Variants in PTK2B observed in about 807,000 individuals in gnomAD.
PTK2B encodes protein tyrosine kinase 2 beta, also known as protein-tyrosine kinase 2-beta.
In PTK2B, 71 loss-of-function variants were observed where a neutral mutation model predicts 142.9. That is an observed-to-expected ratio of 0.50 (90% CI 0.41 to 0.61). The LOEUF is 0.61. PTK2B is among the 20% of genes least tolerant of loss of function. The pLI, the probability that PTK2B is intolerant of heterozygous loss-of-function variation, is 0.00. For missense variants in PTK2B, 1,105 were observed against 1,320.4 expected (o/e 0.84, Z 2.53); for synonymous variants, 519 against 503.4 (o/e 1.03, Z -0.42).
chr8:27,350,584 T>C (rs1417865199), intron 1 of PTK2B, among the ~76,000 whole-genome samples: 1 of 141,836 alleles, frequency 7.1e-6, no homozygotes, highest in Non-Finnish European at 1.6e-5. Flanking sequence ...AGCCTCCTGT[T>C]AATAAGTGGG....
At chr8:27,428,427 A>G (rs1176388697) in intron 5 of PTK2B, among the ~76,000 whole-genome samples, 1 of 152,222 alleles carries the variant, frequency 6.6e-6, no homozygotes, top group African/African-American at 2.4e-5. Context: ...CTTAGCAAGA[A>G]CATCCCATCT....
chr8:27,354,959 C>G (rs374198779), intron 1 of PTK2B, among the ~76,000 whole-genome samples: 1 of 152,094 alleles, frequency 6.6e-6, no homozygotes, highest in East Asian at 1.9e-4. Context: ...CCACCTTGCT[C>G]TTCAGTCTTG....
intron 1 of PTK2B, among the ~76,000 whole-genome samples, chr8:27,395,881 G>A (rs1417686411): frequency 4.6e-5 from 7 of 152,134 alleles, no homozygotes; most frequent in African/African-American, 1.7e-4. Context: ...CAGGGGATCC[G>A]GGTTACATCT....
intron 1 of PTK2B, among the ~76,000 whole-genome samples, chr8:27,392,231 G>A (rs535237349): frequency 1.3e-5 from 2 of 152,008 alleles, no homozygotes; most frequent in African/African-American, 2.4e-5. Context: ...GCATTCAGTG[G>A]TGATGTGCAT....
chr8:27,416,630 G>A (rs924189424), intron 2 of PTK2B, among the ~76,000 whole-genome samples: 1 of 152,198 alleles, frequency 6.6e-6, no homozygotes, highest in Non-Finnish European at 1.5e-5. Flanking sequence ...ATGTTGACAA[G>A]TTAGACTCTG....
intron 1 of PTK2B, among the ~76,000 whole-genome samples, chr8:27,343,695 T>C (rs547149895): frequency 6.6e-6 from 1 of 152,310 alleles, no homozygotes; most frequent in African/African-American, 2.4e-5. Context: ...CTTCTGACCT[T>C]TCTCCTTTAA....
intron 1 of PTK2B, among the ~76,000 whole-genome samples, chr8:27,388,689 C>A (rs1013135545): frequency 2.6e-5 from 4 of 152,184 alleles, no homozygotes; most frequent in African/African-American, 9.6e-5. Flanking sequence ...ATGCTGGTGG[C>A]TTGGAATCAG....
intron 1 of PTK2B, among the ~76,000 whole-genome samples, chr8:27,375,920 C>T (rs1806643617): frequency 6.6e-6 from 1 of 152,260 alleles, no homozygotes. Flanking sequence ...TGCAATTAGG[C>T]ACTTGACACA....
chr8:27,437,735 G>A, intron 17 of PTK2B, 30 bp from the exon 18 acceptor site: 1 of 1,584,950 alleles, frequency 6.3e-7, no homozygotes, highest in South Asian at 1.1e-5. Flanking sequence ...ACCAACCAGG[G>A]GTCTTGATGG....
At chr8:27,366,026 C>T (rs1334263691) in intron 1 of PTK2B, among the ~76,000 whole-genome samples, 1 of 152,242 alleles carries the variant, frequency 6.6e-6, no homozygotes, top group Non-Finnish European at 1.5e-5. Flanking sequence ...GCAGCCAGCC[C>T]TGGCACACCT....
rs1269489635 is a variant in PTK2B, at chr8:27,363,391, G to A, written c.-37-34157G>A. Among the ~76,000 whole-genome samples, 2 of 152,180 alleles carry A rather than the reference G, an allele frequency of 1.3e-5. No individual in the cohort carries two copies. The highest frequency in any genetic ancestry group is 3.8e-4 in the East Asian group (2 of 5,196). On this transcript the variant is annotated intron_variant, in intron 1 of 30. Coordinates refer to ENST00000346049, the MANE Select transcript of PTK2B (RefSeq NM_173176.3). This position sits in a 1 kb window ranked among gnomAD's most constrained non-coding sequence, Gnocchi z 4.3. ...TGTGCATCTCCATGAGCAGGCCCAG[G>A]AAGTTACAGAAAAGTAGATTTGGGA...
Position 27,397,729 on chromosome 8 carries a change from A to T in PTK2B, c.145A>T (p.Ser49Cys), listed in dbSNP as rs966807675. 2 of 1,614,160 alleles carry T rather than the reference A, an allele frequency of 1.2e-6. No individual in the cohort carries two copies. Among genetic ancestry groups the T allele is most frequent in the African/African-American group, 2.7e-5 (2 of 74,958 alleles). Residue 49 changes from serine to cysteine, a missense_variant, in exon 2 of 31, where the codon AGC becomes TGC. Coordinates refer to ENST00000346049, the MANE Select transcript of PTK2B (RefSeq NM_173176.3). ...RILKVCFYSNSFNPGKNFKLV... is the reference protein window; with the variant it reads ...RILKVCFYSNCFNPGKNFKLV... ...CCTCAAGGTCTGCTTCTATAGCAAC[A>T]GCTTCAATCCTGGGAAAAACTTCAA... is the stretch of plus-strand genomic sequence containing the variant.
At chr8:27,397,337 T>A (rs1249934479) in intron 1 of PTK2B, 1 of 528,104 alleles carries the variant, frequency 1.9e-6, no homozygotes, top group Non-Finnish European at 3.4e-6. Flanking sequence ...CAAGTCTGGG[T>A]TTCATACCTG....
chr8:27,435,521 C>A (rs1379795829), intron 13 of PTK2B, among the ~76,000 whole-genome samples: 2 of 152,246 alleles, frequency 1.3e-5, no homozygotes, highest in African/African-American at 4.8e-5. Flanking sequence ...CCAACTTGCC[C>A]TAAATAATGC....
At chr8:27,419,517 G>A (rs937788462) in intron 2 of PTK2B, among the ~76,000 whole-genome samples, 7 of 152,232 alleles carry the variant, frequency 4.6e-5, no homozygotes, top group African/African-American at 1.4e-4. Flanking sequence ...GCCTGGTGCA[G>A]GAGCTCAGTG....
At chr8:27,430,191 T>G (rs1472273213) in intron 6 of PTK2B, 36 bp downstream of exon 6, 1 of 1,593,594 alleles carries the variant, frequency 6.3e-7, no homozygotes, top group South Asian at 1.1e-5. Flanking sequence ...CCTCCCTTCC[T>G]GTCCTTCCAT....
chr8:27,332,259 C>T (rs1240338513), intron 1 of PTK2B, among the ~76,000 whole-genome samples: 1 of 152,232 alleles, frequency 6.6e-6, no homozygotes, highest in South Asian at 2.1e-4. Flanking sequence ...AAATCTCTTT[C>T]CTCTTCAAGC....
chr8:27,317,696 T>C (rs1803123421), intron 3 of PTK2B, among the ~76,000 whole-genome samples: 1 of 152,244 alleles, frequency 6.6e-6, no homozygotes, highest in Non-Finnish European at 1.5e-5. Context: ...AGCTGCTCCC[T>C]GTAGGAGGGA....
chr8:27,352,675 A>G (rs1472659732), intron 1 of PTK2B, among the ~76,000 whole-genome samples: 1 of 152,186 alleles, frequency 6.6e-6, no homozygotes, highest in Non-Finnish European at 1.5e-5. Flanking sequence ...AGGTCTTTCC[A>G]ACACTGTTCT....
Sources: allele counts gnomAD v4.1 joint callset (sites outside exome capture counted in the v4.1 genomes callset), GRCh38; gene constraint gnomAD v4.1.1; non-coding constraint Gnocchi (gnomAD v3.1); transcripts MANE v1.5; gene names NCBI Gene and HGNC (gene_info 2026-07-23, HGNC 2026-07-21).